Variants in LTBP1 observed in about 807,000 individuals in gnomAD.
LTBP1 encodes latent-transforming growth factor beta-binding protein 1.
LTBP1 carries 129 observed loss-of-function variants against 207.6 expected under a neutral mutation model. The observed-to-expected ratio is 0.62, with a 90% confidence interval of 0.54 to 0.72. LTBP1 has a LOEUF of 0.72. Ranked by LOEUF, LTBP1 falls within the 30% of genes least tolerant of loss-of-function variation. LTBP1 has a pLI of 0.00. For synonymous variants in LTBP1, 963 were observed against 833.7 expected (o/e 1.16, Z -2.67); for missense variants, 2,281 against 2,217.2 (o/e 1.03, Z -0.58).
rs2093416333 is a variant in LTBP1 at position 33,275,878 on chromosome 2, T to C, written c.2947T>C (p.Tyr983His). The change falls in exon 18 of 34, where the codon TAC becomes CAC. Residue 983 changes from tyrosine (Y) to histidine (H), a missense_variant. Coordinates refer to ENST00000404816, the MANE Select transcript of LTBP1 (RefSeq NM_206943.4). The part of the protein sequence containing the change: ...VNTVGAFRCE[Y>H]CDSGYRMTQR... The stretch of plus-strand genomic sequence containing the variant: ...TACTGTGGGGGCCTTCCGGTGTGAA[T>C]ACTGTGACAGCGGGTACCGCATGAC... 2 of 1,611,200 alleles carry C rather than the reference T, an allele frequency of 1.2e-6. No homozygotes were observed. The highest frequency in any genetic ancestry group is 1.7e-6 in the Non-Finnish European group (2 of 1,178,718).
chr2:33,300,483 G>A lies in LTBP1; in HGVS notation c.3268G>A (p.Val1090Ile). ...IDECQQGNLC[V>I]NGQCKNTEGS... ...TGAATGTCAGCAAGGGAATCTATGT[G>A]TAAACGGGCAGTGCAAAAATACCGA... The change falls in exon 21 of 34, where the codon GTA (valine) becomes ATA (isoleucine). Residue 1090 changes from valine to isoleucine, a missense_variant. Around this residue, in one of 3 missense-constraint regions of LTBP1, gnomAD observed 1,671 missense variants for 1,634.8 expected, o/e 1.02. Transcript: ENST00000404816. 6.2e-7 allele frequency: 1 copy of A among 1,613,698 alleles called. No homozygotes were observed. The highest frequency in any genetic ancestry group is 8.5e-7 in the Non-Finnish European group (1 of 1,179,736).
intron 19 of LTBP1, among the ~76,000 whole-genome samples, chr2:33,287,219 C>T (rs1311640294): frequency 1.3e-5 from 2 of 152,210 alleles, no homozygotes; most frequent in Non-Finnish European, 2.9e-5. Flanking sequence ...ATGATGGCAT[C>T]ATTTGATCCT....
At chr2:32,979,109 A>G (rs1222099751) in intron 2 of LTBP1, among the ~76,000 whole-genome samples, 1 of 150,374 alleles carries the variant, frequency 6.7e-6, no homozygotes, top group Non-Finnish European at 1.5e-5. Context: ...TTGGTCAGAG[A>G]TTTATTGATT....
At chr2:33,131,644 G>A (rs564678206) in intron 4 of LTBP1, among the ~76,000 whole-genome samples, 81 of 152,284 alleles carry the variant, frequency 5.3e-4, no homozygotes, top group African/African-American at 1.7e-3. Context: ...GGGAGGACCC[G>A]CTTAGAATAC....
chr2:33,263,254 G>A lies in LTBP1; in HGVS notation c.2519-40G>A, dbSNP rs1298452909. The A allele has an allele frequency of 5.0e-6, 6 of 1,206,904 alleles. No individual in the cohort carries two copies. In the Admixed American group the frequency reaches 6.8e-5, roughly 14 times the overall value. The allele number at this position is 1,206,904 out of a possible 1,614,324, so 74.8% of individuals were successfully genotyped here. A position where few individuals can be genotyped will look rare whatever the true frequency, so the allele number is the denominator to read the frequency against. ...GAAATGGGATCTCAATGCACATAACGGGCTTTAATTTTCTTTTTATCCTCT... is the reference window on the plus strand; with the variant it reads ...GAAATGGGATCTCAATGCACATAACAGGCTTTAATTTTCTTTTTATCCTCT... On this transcript the variant is annotated intron_variant, in intron 14 of 33. Coordinates refer to ENST00000404816, the MANE Select transcript of LTBP1 (RefSeq NM_206943.4).
intron 24 of LTBP1, among the ~76,000 whole-genome samples, chr2:33,324,295 T>C (rs567970936): frequency 6.6e-6 from 1 of 150,782 alleles, no homozygotes; most frequent in South Asian, 2.1e-4. Context: ...ATAATTGTTA[T>C]AATTTTAATT....
intron 32 of LTBP1, among the ~76,000 whole-genome samples, chr2:33,393,450 C>A (rs1263081057): frequency 7.1e-6 from 1 of 140,524 alleles, no homozygotes; most frequent in East Asian, 2.2e-4. Flanking sequence ...CCTCCCCCAA[C>A]CCCGCGAAAG....
intron 23 of LTBP1, among the ~76,000 whole-genome samples, chr2:33,309,831 T>C (rs372289845): frequency 4.6e-5 from 7 of 152,332 alleles, no homozygotes; most frequent in African/African-American, 1.7e-4. Flanking sequence ...TGCTGTAACC[T>C]TGGTACTGGG....
Position 33,062,744 on chromosome 2 carries a change from A to C in LTBP1, c.863+41538A>C, listed in dbSNP as rs147540396. Among the ~76,000 whole-genome samples, 7 of 152,250 alleles carry C rather than the reference A, an allele frequency of 4.6e-5. No individual in the cohort carries two copies. The South Asian group carries it at 1.0e-3, about 23-fold the overall frequency. ...CCCCAATGGATGCCTGAAACTGTGG[A>C]TAGTACAAAACCCTCTATGCTATGA... On this transcript the variant is annotated intron_variant, in intron 3 of 33. Transcript: ENST00000404816.
intron 3 of LTBP1, among the ~76,000 whole-genome samples, chr2:33,085,577 C>G (rs1052555278): frequency 6.6e-6 from 1 of 152,190 alleles, no homozygotes; most frequent in Admixed American, 6.5e-5. Context: ...GTGTGTCAAG[C>G]ATTGTACCTA....
Position 33,033,708 on chromosome 2 carries a change from C to T in LTBP1, c.863+12502C>T, listed in dbSNP as rs80152417. 4.6e-3 allele frequency among the ~76,000 whole-genome samples: 703 copies of T among 151,432 alleles called. 1 individual carries two copies. Among genetic ancestry groups the T allele is most frequent in the African/African-American group, 0.013 (536 of 41,262 alleles). ...GGATGGACTTTCTTTTGTATGGAGA[C>T]GCTGCCTCTAGTGTTTAGGAAAAAA... On this transcript the variant is annotated intron_variant, in intron 3 of 33. Coordinates refer to ENST00000404816, the MANE Select transcript of LTBP1 (RefSeq NM_206943.4).
rs543064344 is a variant in LTBP1 at position 33,330,341 on chromosome 2, T to C, written c.3731-12497T>C. 2.6e-5 allele frequency among the ~76,000 whole-genome samples: 4 copies of C among 152,144 alleles called. No individual in the cohort carries two copies. The South Asian group carries it at 8.3e-4, about 32-fold the overall frequency. ...GCTAGTTTTATTCCTTCTCTTCTGG[T>C]AAGCATACTTTTATTTCCTTTTCAT... On this transcript the variant is annotated intron_variant, in intron 24 of 33. Coordinates refer to ENST00000404816, the MANE Select transcript of LTBP1 (RefSeq NM_206943.4).
At chr2:33,023,753 A>G (rs934117267) in intron 3 of LTBP1, among the ~76,000 whole-genome samples, 1 of 152,226 alleles carries the variant, frequency 6.6e-6, no homozygotes, top group Non-Finnish European at 1.5e-5. Context: ...GAGCTATACA[A>G]AGGAAACTAT....
intron 2 of LTBP1, among the ~76,000 whole-genome samples, chr2:33,017,789 T>C (rs1170982113): frequency 3.9e-5 from 6 of 152,182 alleles, no homozygotes; most frequent in African/African-American, 9.7e-5. Context: ...GCTAATTTTT[T>C]GTATTTTTAG....
intron 3 of LTBP1, among the ~76,000 whole-genome samples, chr2:33,039,009 C>G (rs17396752): frequency 0.083 from 12,611 of 152,164 alleles, 726 homozygotes; most frequent in Non-Finnish European, 0.13. Context: ...TCTTTTTGTC[C>G]CCAGCCTAGT....
At chr2:33,105,269 A>G (rs1005929400) in intron 3 of LTBP1, among the ~76,000 whole-genome samples, 2 of 152,242 alleles carry the variant, frequency 1.3e-5, no homozygotes, top group African/African-American at 4.8e-5. Flanking sequence ...TGTAAAAGTT[A>G]TGTTTACACT....
chr2:32,947,677 T>TCCACCCCAATCCCGGCGGCCACCC lies in LTBP1; in HGVS notation c.354_377dup (p.His119_Pro126dup). ...CGTCCCGCGGTCCCCGGCGGGCAGC[T>TCCACCCCAATCCCGGCGGCCACCC]CCACCCCAATCCCGGCGGCCACCCG... On this transcript the variant is annotated inframe_insertion, in exon 1 of 34. Coordinates refer to ENST00000404816, the MANE Select transcript of LTBP1 (RefSeq NM_206943.4). 1 of 1,483,566 alleles carries TCCACCCCAATCCCGGCGGCCACCC rather than the reference T, an allele frequency of 6.7e-7. No homozygotes were observed. The highest frequency in any genetic ancestry group is 1.5e-5 in the African/African-American group (1 of 68,540). The allele number at this position is 1,483,566 out of a possible 1,614,324, so 91.9% of individuals were successfully genotyped here.
At chr2:33,224,172 A>C (rs2091299147) in intron 9 of LTBP1, among the ~76,000 whole-genome samples, 1 of 152,218 alleles carries the variant, frequency 6.6e-6, no homozygotes, top group African/African-American at 2.4e-5. Flanking sequence ...AGAAGCTATC[A>C]GATCACCTCT....
Position 33,021,167 on chromosome 2 carries a change from C to A in LTBP1, c.824C>A (p.Pro275Gln), listed in dbSNP as rs148206651. ...PVAQMTLTLK[P>Q]KPSVGLPQQI... ...GCCCAGATGACCTTAACCCTCAAGC[C>A]GAAGCCTTCAGTGGGACTCCCCCAG... Residue 275 changes from proline to glutamine, a missense_variant, in exon 3 of 34, where the codon CCG (proline) becomes CAG (glutamine). Around this residue, in one of 3 missense-constraint regions of LTBP1, gnomAD observed 555 missense variants for 491.0 expected, o/e 1.13. Transcript: ENST00000404816. 6.2e-7 allele frequency: 1 copy of A among 1,609,140 alleles called. No homozygotes were observed. Among genetic ancestry groups the A allele is most frequent in the South Asian group, 1.1e-5 (1 of 90,048 alleles).
Sources: gnomAD v4.1 joint callset for allele counts (sites outside exome capture counted in the v4.1 genomes callset) on GRCh38, gnomAD v4.1.1 for gene constraint, gnomAD v4.1.1 regional missense constraint, MANE v1.5 for transcripts, NCBI Gene and HGNC (gene_info 2026-07-23, HGNC 2026-07-21) for gene names.